The following BTBD9 variants were observed in gnomAD, a reference collection of about 807,000 sequenced individuals.
The protein encoded by BTBD9 is BTB domain containing 9.
In BTBD9, 49 loss-of-function variants were observed where a neutral mutation model predicts 64.3. That is an observed-to-expected ratio of 0.76 (90% confidence interval 0.61 to 0.97). The LOEUF is 0.97. Among genes scored for constraint, BTBD9 ranks in the 50% least tolerant of loss-of-function variants. BTBD9 has a pLI of 0.00. For synonymous variants in BTBD9, 260 were observed against 274.7 expected (o/e 0.95, Z 0.53); for missense variants, 598 against 762.1 (o/e 0.78, Z 2.53).
intron 9 of BTBD9, among the ~76,000 whole-genome samples, chr6:38,204,837 GA>G (rs974325786): frequency 2.7e-5 from 4 of 149,484 alleles, no homozygotes; most frequent in African/African-American, 4.9e-5. Flanking sequence ...ACAGCTTCAG[GA>G]AAAAAAAACC....
At chr6:38,442,681 T>G in intron 6 of BTBD9, among the ~76,000 whole-genome samples, 1 of 146,012 alleles carries the variant, frequency 6.8e-6, no homozygotes, top group South Asian at 2.3e-4. Flanking sequence ...TTTTTTTTTT[T>G]TTTTTGAGAT....
At chr6:38,623,817 A>C (rs1259805524) in intron 1 of BTBD9, among the ~76,000 whole-genome samples, 1 of 152,220 alleles carries the variant, frequency 6.6e-6, no homozygotes, top group Non-Finnish European at 1.5e-5. Flanking sequence ...ATCAAGCTAC[A>C]GATGGTCTTA....
chr6:38,598,801 C>T (rs1419828655), intron 1 of BTBD9, among the ~76,000 whole-genome samples: 1 of 152,094 alleles, frequency 6.6e-6, no homozygotes, highest in African/African-American at 2.4e-5. Flanking sequence ...CCTGTAATCC[C>T]AGCTACTCCG....
chr6:38,320,245 G>C (rs1051399055), intron 7 of BTBD9, among the ~76,000 whole-genome samples: 1 of 152,166 alleles, frequency 6.6e-6, no homozygotes, highest in African/African-American at 2.4e-5. Flanking sequence ...CCACTCACCT[G>C]ATTTTTCATT....
chr6:38,261,799 T>G (rs1052083517), intron 8 of BTBD9, among the ~76,000 whole-genome samples: 3 of 152,198 alleles, frequency 2.0e-5, no homozygotes, highest in African/African-American at 7.2e-5. Flanking sequence ...CCCCAGGGAC[T>G]GGAGATGTGG....
At chr6:38,557,214 C>G (rs887535836) in intron 6 of BTBD9, among the ~76,000 whole-genome samples, 11 of 151,342 alleles carry the variant, frequency 7.3e-5, no homozygotes, top group African/African-American at 2.7e-4. Context: ...GCAGTGGTGG[C>G]AGGCGCCTGC....
chr6:38,327,796 A>C (rs9296245), intron 7 of BTBD9, among the ~76,000 whole-genome samples: 6,813 of 152,274 alleles, frequency 0.045, 518 homozygotes, highest in African/African-American at 0.15. Flanking sequence ...ATAGAATCAC[A>C]CAGTACATAT....
chr6:38,218,847 A>G (rs1763098056), intron 9 of BTBD9, among the ~76,000 whole-genome samples: 1 of 152,240 alleles, frequency 6.6e-6, no homozygotes, highest in East Asian at 1.9e-4. Flanking sequence ...ATAAAAATTG[A>G]ATGACAATTT....
At chr6:38,562,611 A>T (rs1175563920) in intron 6 of BTBD9, among the ~76,000 whole-genome samples, 5 of 152,186 alleles carry the variant, frequency 3.3e-5, no homozygotes, top group African/African-American at 1.2e-4. Context: ...CCAAATAAAC[A>T]TTTATATACA....
chr6:38,217,719 G>A (rs1274529102), intron 9 of BTBD9, among the ~76,000 whole-genome samples: 2 of 147,926 alleles, frequency 1.4e-5, no homozygotes, highest in African/African-American at 5.0e-5. Context: ...TTTTAACTGA[G>A]AGAGACAGCC....
chr6:38,472,628 A>G (rs1306656817), intron 6 of BTBD9, among the ~76,000 whole-genome samples: 1 of 152,222 alleles, frequency 6.6e-6, no homozygotes, highest in African/African-American at 2.4e-5. Flanking sequence ...CAGTCCAGGA[A>G]TAAAATGTTG....
At chr6:38,261,351 A>G (rs1360129169) in intron 8 of BTBD9, among the ~76,000 whole-genome samples, 1 of 152,202 alleles carries the variant, frequency 6.6e-6, no homozygotes, top group Non-Finnish European at 1.5e-5. Flanking sequence ...TATATCATAA[A>G]ATAGCTGTAT....
At chr6:38,547,139 T>A (rs577980771) in intron 6 of BTBD9, among the ~76,000 whole-genome samples, 15 of 152,348 alleles carry the variant, frequency 9.8e-5, no homozygotes, top group African/African-American at 3.6e-4. Context: ...TGGGCCTCCC[T>A]ATTCCCTGAA....
At chr6:38,558,768 G>A (rs1270975445) in intron 6 of BTBD9, among the ~76,000 whole-genome samples, 1 of 152,156 alleles carries the variant, frequency 6.6e-6, no homozygotes, top group Admixed American at 6.5e-5. Flanking sequence ...TTTTTGATGT[G>A]CTGCTGGATT....
At chr6:38,388,950 T>C (rs562870287) in intron 6 of BTBD9, among the ~76,000 whole-genome samples, 7 of 152,318 alleles carry the variant, frequency 4.6e-5, no homozygotes, top group African/African-American at 1.4e-4. Flanking sequence ...GGTTTTATAC[T>C]AGCAAGAGAG....
chr6:38,386,364 TAAG>T (rs768558147), intron 6 of BTBD9, among the ~76,000 whole-genome samples: 4 of 151,986 alleles, frequency 2.6e-5, no homozygotes, highest in Non-Finnish European at 4.4e-5. Context: ...GGAATAAATA[TAAG>T]AAGAATGAAG....
At chr6:38,558,743 T>C (rs1178093211) in intron 6 of BTBD9, among the ~76,000 whole-genome samples, 5 of 152,354 alleles carry the variant, frequency 3.3e-5, no homozygotes, top group Non-Finnish European at 5.9e-5. Flanking sequence ...GCCTGCTTCA[T>C]CATGGGGAAT....
intron 6 of BTBD9, among the ~76,000 whole-genome samples, chr6:38,470,339 G>A (rs1292752991): frequency 2.0e-5 from 3 of 152,166 alleles, no homozygotes; most frequent in Non-Finnish European, 4.4e-5. Flanking sequence ...TGTATGCACT[G>A]GCCAAACTTA....
chr6:38,552,736 CAGAAA>C (rs1381336403), intron 6 of BTBD9, among the ~76,000 whole-genome samples: 1 of 144,922 alleles, frequency 6.9e-6, no homozygotes. Flanking sequence ...CACTGCACTC[CAGAAA>C]AGAAAAGAAA....
Sources: allele counts gnomAD v4.1 joint callset (sites outside exome capture counted in the v4.1 genomes callset), GRCh38; gene constraint gnomAD v4.1.1; transcripts MANE v1.5; gene names NCBI Gene and HGNC (gene_info 2026-07-23, HGNC 2026-07-21).